The following ZDHHC9 variants were observed in gnomAD, a reference collection of about 807,000 sequenced individuals.
ZDHHC9 encodes the protein palmitoyltransferase ZDHHC9.
Under a neutral mutation model 26.6 loss-of-function variants are expected in ZDHHC9, and 3 were observed. The ratio of observed to expected loss-of-function variants is 0.11; its 90% confidence interval spans 0.05 to 0.29. The LOEUF is 0.29. Among genes scored for constraint, ZDHHC9 ranks in the 10% least tolerant of loss-of-function variants. ZDHHC9 has a pLI of 1.00. For synonymous variants in ZDHHC9, 111 were observed against 109.4 expected (o/e 1.01, Z -0.09); for missense variants, 146 against 296.4 (o/e 0.49, Z 3.73).
intron 3 of ZDHHC9, among the ~76,000 whole-genome samples, chrX:129,832,351 G>C (rs984148579): frequency 9.0e-6 from 1 of 110,982 alleles, no homozygotes; most frequent in Non-Finnish European, 1.9e-5. Context: ...ATTTGTCTTA[G>C]ATAAAGATTA....
At chrX:129,838,064 ACTAG>A (rs1928298585) in intron 3 of ZDHHC9, among the ~76,000 whole-genome samples, 1 of 112,423 alleles carries the variant, frequency 8.9e-6, no homozygotes, top group African/African-American at 3.2e-5. Flanking sequence ...CAAAGCTGAA[ACTAG>A]CAATACACAC....
Position 129,803,572 on chromosome X carries a change from C to T in ZDHHC9, c.*2798G>A, listed in dbSNP as rs1327219596. 8.9e-6 allele frequency: 1 copy of T among 112,034 alleles called. No homozygotes were observed. The highest frequency in any genetic ancestry group is 1.9e-5 in the Non-Finnish European group (1 of 53,168). 9.2% of individuals were successfully genotyped at this position (112,034 alleles called of 1,213,427 possible). A position where few individuals can be genotyped will look rare whatever the true frequency, so the allele number is the denominator to read the frequency against. On this transcript the variant is annotated 3_prime_UTR_variant, in exon 11 of 11. Transcript: ENST00000357166. Reference sequence around the variant, plus strand: ...ATGGGTAAAGGCAGGATGGTCAGGACAGGGAGAATGGAATTTAGCTGCTAC... The same window carrying T: ...ATGGGTAAAGGCAGGATGGTCAGGATAGGGAGAATGGAATTTAGCTGCTAC...
chrX:129,841,371 T>C (rs1007361607), intron 3 of ZDHHC9, among the ~76,000 whole-genome samples: 1 of 111,919 alleles, frequency 8.9e-6, no homozygotes, highest in Non-Finnish European at 1.9e-5. Context: ...AGCTGAGCCT[T>C]AAGGAAACAG....
chrX:129,807,482 T>C (rs1346687013), intron 10 of ZDHHC9, among the ~76,000 whole-genome samples: 2 of 101,127 alleles, frequency 2.0e-5, no homozygotes, highest in South Asian at 8.3e-4. Context: ...AAAAGTATGA[T>C]TCTATTTTAA....
intron 9 of ZDHHC9, 34 bp from the exon 10 acceptor site, chrX:129,811,035 G>T: frequency 8.8e-7 from 1 of 1,139,655 alleles, no homozygotes; most frequent in South Asian, 1.8e-5. Context: ...AAAGAACTGG[G>T]CATTCACCCC....
intron 3 of ZDHHC9, among the ~76,000 whole-genome samples, chrX:129,833,493 C>T: frequency 8.9e-6 from 1 of 112,242 alleles, no homozygotes; most frequent in Non-Finnish European, 1.9e-5. Context: ...AGACAGAGAG[C>T]TATGCCTTAC....
chrX:129,832,942 G>C (rs1296204630), intron 3 of ZDHHC9, among the ~76,000 whole-genome samples: 1 of 97,553 alleles, frequency 1.0e-5, no homozygotes, highest in Non-Finnish European at 2.0e-5. Flanking sequence ...CTCCAGCCTG[G>C]TGACAGAGCA....
chrX:129,821,739 T>C (rs1213389256), intron 5 of ZDHHC9, among the ~76,000 whole-genome samples: 4 of 108,032 alleles, frequency 3.7e-5, no homozygotes, highest in African/African-American at 1.3e-4. Flanking sequence ...CTGACCAACA[T>C]GGTGAAACTC....
At chrX:129,839,260 G>T (rs971584217) in intron 3 of ZDHHC9, among the ~76,000 whole-genome samples, 1 of 102,130 alleles carries the variant, frequency 9.8e-6, no homozygotes, top group Admixed American at 1.1e-4. Context: ...GTCTCACTCT[G>T]TCATCCAGGC....
At chrX:129,815,189 A>G (rs1927732508) in intron 5 of ZDHHC9, among the ~76,000 whole-genome samples, 1 of 111,965 alleles carries the variant, frequency 8.9e-6, no homozygotes, top group Non-Finnish European at 1.9e-5. Flanking sequence ...TAAAACTACA[A>G]TATTTAAAAT....
At chrX:129,826,335 C>T (rs1928016401) in intron 4 of ZDHHC9, among the ~76,000 whole-genome samples, 2 of 111,369 alleles carry the variant, frequency 1.8e-5, no homozygotes, top group South Asian at 7.5e-4. Context: ...GACTTCCTCT[C>T]TCCCCATCCC....
chrX:129,813,105 C>A (rs1204430854), intron 7 of ZDHHC9, among the ~76,000 whole-genome samples: 3 of 112,314 alleles, frequency 2.7e-5, no homozygotes, highest in Non-Finnish European at 5.6e-5. Flanking sequence ...TTGGCCATCA[C>A]TGCCAATGGA....
chrX:129,821,296 C>CTT (rs748605366), intron 5 of ZDHHC9, among the ~76,000 whole-genome samples: 4 of 99,378 alleles, frequency 4.0e-5, no homozygotes, highest in Admixed American at 1.1e-4. Context: ...AGACCTTCTT[C>CTT]TTTTTTTTTT....
chrX:129,833,573 A>G (rs1487147487), intron 3 of ZDHHC9, among the ~76,000 whole-genome samples: 2 of 112,229 alleles, frequency 1.8e-5, no homozygotes, highest in Non-Finnish European at 3.8e-5. Context: ...CTTTCTTGCT[A>G]TGTTTTTTGG....
chrX:129,829,725 A>T (rs1210081193), intron 3 of ZDHHC9, among the ~76,000 whole-genome samples: 1 of 112,037 alleles, frequency 8.9e-6, no homozygotes, highest in Non-Finnish European at 1.9e-5. Context: ...AGCTCAGCTA[A>T]TAAGTGACTA....
At chrX:129,811,816 A>G (rs1344918270) in intron 8 of ZDHHC9, among the ~76,000 whole-genome samples, 6 of 111,191 alleles carry the variant, frequency 5.4e-5, no homozygotes, top group Admixed American at 3.9e-4. Context: ...TTTTATCACA[A>G]CAAAAAAGAA....
chrX:129,807,273 C>T (rs1262007604), intron 10 of ZDHHC9, among the ~76,000 whole-genome samples: 4 of 105,296 alleles, frequency 3.8e-5, no homozygotes, highest in African/African-American at 1.0e-4. Flanking sequence ...GGTGAAACCC[C>T]GTCTCTACTA....
chrX:129,812,844 G>A (rs376672709), intron 7 of ZDHHC9, 24 bp from the exon 8 acceptor site: 7 of 1,102,151 alleles, frequency 6.4e-6, no homozygotes, highest in Non-Finnish European at 8.8e-6. Flanking sequence ...AAGGAGTATT[G>A]AAGAACTCAA....
chrX:129,825,395 C>G, intron 4 of ZDHHC9, among the ~76,000 whole-genome samples: 1 of 111,958 alleles, frequency 8.9e-6, no homozygotes, highest in East Asian at 2.8e-4. Context: ...CTTCTATTAA[C>G]AGGTAAACAT....
Sources: gnomAD v4.1 joint callset for allele counts (sites outside exome capture counted in the v4.1 genomes callset) on GRCh38, gnomAD v4.1.1 for gene constraint, MANE v1.5 for transcripts, NCBI Gene and HGNC (gene_info 2026-07-23, HGNC 2026-07-21) for gene names.